Variants in CHMP4C observed in about 807,000 individuals in gnomAD.
CHMP4C encodes SNF7 homolog associated with Alix 3.
CHMP4C carries 28 observed loss-of-function variants against 29.0 expected under a neutral mutation model. The observed-to-expected ratio is 0.97, with a 90% confidence interval of 0.72 to 1.32. The LOEUF (loss-of-function observed/expected upper bound fraction) is 1.32. CHMP4C is among the 40% of genes most tolerant of loss of function. The pLI is 0.00. For synonymous variants in CHMP4C, 106 were observed against 102.4 expected, an observed-to-expected ratio of 1.04 and a Z score of -0.21; for missense variants, 291 against 281.0, an observed-to-expected ratio of 1.04 and a Z score of -0.25.
At chr8:81,744,239 A>T (rs1354789208) in intron 1 of CHMP4C, among the ~76,000 whole-genome samples, 1 of 152,184 alleles carries the variant, frequency 6.6e-6, no homozygotes, top group Non-Finnish European at 1.5e-5. Context: ...TAAAACGAAG[A>T]TGTGCTCTAT....
chr8:81,752,591 T>C (rs1808917103), intron 1 of CHMP4C, among the ~76,000 whole-genome samples: 1 of 152,156 alleles, frequency 6.6e-6, no homozygotes, highest in Non-Finnish European at 1.5e-5. Context: ...GAGTTCTTAT[T>C]GCAGCTACCA....
At chr8:81,744,958 A>T (rs2130483683) in intron 1 of CHMP4C, among the ~76,000 whole-genome samples, 1 of 152,352 alleles carries the variant, frequency 6.6e-6, no homozygotes, top group Middle Eastern at 3.4e-3. Context: ...AATGCGTGTT[A>T]AAATTTTCTA....
chr8:81,738,266 A>G (rs931258737), intron 1 of CHMP4C, among the ~76,000 whole-genome samples: 1 of 152,214 alleles, frequency 6.6e-6, no homozygotes, highest in African/African-American at 2.4e-5. Flanking sequence ...ATGGAGAGAA[A>G]GCAAATTTGG....
chr8:81,744,978 T>C (rs1808804502), intron 1 of CHMP4C, among the ~76,000 whole-genome samples: 1 of 152,244 alleles, frequency 6.6e-6, no homozygotes, highest in East Asian at 1.9e-4. Flanking sequence ...ATTTCCCCAG[T>C]TGTTTTCAAT....
intron 1 of CHMP4C, among the ~76,000 whole-genome samples, chr8:81,746,164 C>T (rs1001516238): frequency 1.2e-4 from 18 of 152,184 alleles, no homozygotes; most frequent in African/African-American, 3.4e-4. Flanking sequence ...AGAAGCTTAA[C>T]GTGCCAGGCA....
At chr8:81,733,512 G>A (rs76718403) in intron 1 of CHMP4C, among the ~76,000 whole-genome samples, 6,617 of 151,266 alleles carry the variant, frequency 0.044, 167 homozygotes, top group South Asian at 0.084. Context: ...CTGGATGTTC[G>A]GCAGTTGAAG....
At chr8:81,741,287 T>A (rs1301942193) in intron 1 of CHMP4C, among the ~76,000 whole-genome samples, 1 of 152,190 alleles carries the variant, frequency 6.6e-6, no homozygotes, top group Non-Finnish European at 1.5e-5. Context: ...GCAAATAATA[T>A]AATTCCCTTC....
At chr8:81,757,721 AT>A (rs1161371652) in intron 3 of CHMP4C, among the ~76,000 whole-genome samples, 1 of 152,206 alleles carries the variant, frequency 6.6e-6, no homozygotes, top group Non-Finnish European at 1.5e-5. Context: ...TCTGTACGTT[AT>A]GGTTTTGCTA....
intron 3 of CHMP4C, among the ~76,000 whole-genome samples, chr8:81,757,128 ATTTG>A (rs1376892542): frequency 6.6e-6 from 1 of 152,078 alleles, no homozygotes; most frequent in African/African-American, 2.4e-5. Flanking sequence ...TTGGATAATT[ATTTG>A]TTTATGTGCC....
intron 1 of CHMP4C, among the ~76,000 whole-genome samples, chr8:81,750,794 A>C (rs1459536312): frequency 6.6e-6 from 1 of 152,116 alleles, no homozygotes; most frequent in Non-Finnish European, 1.5e-5. Flanking sequence ...AAAAGAAATA[A>C]TAGGATACAA....
chr8:81,747,425 C>A (rs561694639), intron 1 of CHMP4C, among the ~76,000 whole-genome samples: 1 of 151,414 alleles, frequency 6.6e-6, no homozygotes, highest in African/African-American at 2.4e-5. Flanking sequence ...ACCAGCCTGA[C>A]GAGATAGGGA....
At chr8:81,753,313 T>C in intron 2 of CHMP4C, 72 bp downstream of exon 2, 2 of 1,230,776 alleles carry the variant, frequency 1.6e-6, no homozygotes, top group South Asian at 4.0e-5. Context: ...AACCATATGA[T>C]GGTTTTGGCA....
At chr8:81,750,744 A>G (rs554634075) in intron 1 of CHMP4C, among the ~76,000 whole-genome samples, 1 of 152,284 alleles carries the variant, frequency 6.6e-6, no homozygotes, top group South Asian at 2.1e-4. Flanking sequence ...TACAAATTTC[A>G]GAAGATAGTA....
chr8:81,736,662 TCTAA>T (rs1808695111), intron 1 of CHMP4C, among the ~76,000 whole-genome samples: 1 of 152,132 alleles, frequency 6.6e-6, no homozygotes. Context: ...GGTGCGCACC[TCTAA>T]TAGGGCACAG....
At chr8:81,750,457 A>C (rs1279174040) in intron 1 of CHMP4C, among the ~76,000 whole-genome samples, 1 of 151,360 alleles carries the variant, frequency 6.6e-6, no homozygotes, top group Non-Finnish European at 1.5e-5. Context: ...AAAAAAAAAA[A>C]AGACTCCGTA....
At position 81,758,678 on chromosome 8, in the gene CHMP4C, TA is replaced by T; in HGVS notation, c.*136del. The T allele has an allele frequency of 1.5e-6, 1 of 672,670 alleles. No homozygotes were observed. Among genetic ancestry groups the T allele is most frequent in the Non-Finnish European group, 2.5e-6 (1 of 392,304 alleles). 41.7% of individuals were successfully genotyped at this position (672,670 alleles called of 1,614,324 possible). ...ATGAATAATTGTGTTTTAAGCCTCC[TA>T]AGTAAAAGTAAAAAAGGAGTCATGT... is the stretch of plus-strand genomic sequence containing the variant. On this transcript the variant is annotated 3_prime_UTR_variant, in exon 5 of 5. Transcript: ENST00000297265.
intron 1 of CHMP4C, among the ~76,000 whole-genome samples, chr8:81,748,617 G>C (rs1193401435): frequency 6.6e-6 from 1 of 152,102 alleles, no homozygotes; most frequent in African/African-American, 2.4e-5. Flanking sequence ...TAGGTAATTT[G>C]TTATGCGGTA....
chr8:81,739,832 A>G (rs1382402459), intron 1 of CHMP4C, among the ~76,000 whole-genome samples: 5 of 152,050 alleles, frequency 3.3e-5, no homozygotes, highest in African/African-American at 1.2e-4. Context: ...TTTGAATATG[A>G]TTTTTCAGAT....
intron 1 of CHMP4C, among the ~76,000 whole-genome samples, chr8:81,747,438 A>G (rs371752538): frequency 2.0e-5 from 3 of 152,080 alleles, no homozygotes; most frequent in East Asian, 1.9e-4. Context: ...GATAGGGAAG[A>G]CATGCACTCT....
Sources: gnomAD v4.1 joint callset for allele counts (sites outside exome capture counted in the v4.1 genomes callset) on GRCh38, gnomAD v4.1.1 for gene constraint, MANE v1.5 for transcripts, NCBI Gene and HGNC (gene_info 2026-07-23, HGNC 2026-07-21) for gene names.